The following GTF2H1 variants were observed in gnomAD, a reference collection of about 807,000 sequenced individuals.
The protein encoded by GTF2H1 is BTF2 p62.
Under a neutral mutation model 71.2 loss-of-function variants are expected in GTF2H1, and 16 were observed. The ratio of observed to expected loss-of-function variants is 0.22; its 90% CI spans 0.15 to 0.34. GTF2H1 has a LOEUF of 0.34. GTF2H1 is among the 10% of genes least tolerant of loss of function. The pLI is 1.00. For synonymous variants in GTF2H1, 215 were observed against 219.0 expected (o/e 0.98, Z 0.16); for missense variants, 498 against 648.2 (o/e 0.77, Z 2.52).
At chr11:18,341,885 T>TAATAAA in intron 7 of GTF2H1, 1 of 287,620 alleles carries the variant, frequency 3.5e-6, no homozygotes, top group Non-Finnish European at 6.5e-6. Flanking sequence ...CTTAATGTGA[T>TAATAAA]GAGTTCAGCT....
chr11:18,350,269 C>A (rs1016838892), intron 9 of GTF2H1, among the ~76,000 whole-genome samples: 1 of 152,196 alleles, frequency 6.6e-6, no homozygotes, highest in Non-Finnish European at 1.5e-5. Context: ...GGTGACCTAA[C>A]AAGGCCTTGG....
intron 12 of GTF2H1, 35 bp from the exon 13 acceptor site, chr11:18,358,490 G>T: frequency 8.3e-7 from 1 of 1,198,868 alleles, no homozygotes; most frequent in South Asian, 1.2e-5. Context: ...TGTTAAAATA[G>T]CTCTTAACCT....
At chr11:18,356,296 T>C (rs1471490650) in intron 11 of GTF2H1, among the ~76,000 whole-genome samples, 2 of 150,410 alleles carry the variant, frequency 1.3e-5, no homozygotes, top group African/African-American at 4.9e-5. Context: ...AAGAATTGCT[T>C]GAGCCTGGGA....
chr11:18,329,514 G>A (rs964655937), intron 1 of GTF2H1, among the ~76,000 whole-genome samples: 1 of 152,158 alleles, frequency 6.6e-6, no homozygotes, highest in Non-Finnish European at 1.5e-5. Flanking sequence ...AGTCTCTCCT[G>A]CTGCTCACAG....
chr11:18,325,356 G>T (rs1864736737), intron 1 of GTF2H1, among the ~76,000 whole-genome samples: 1 of 152,220 alleles, frequency 6.6e-6, no homozygotes, highest in Non-Finnish European at 1.5e-5. Context: ...GAAAACTATA[G>T]TGGTTCCCGG....
At chr11:18,328,406 G>A (rs1417317753) in intron 1 of GTF2H1, among the ~76,000 whole-genome samples, 1 of 151,032 alleles carries the variant, frequency 6.6e-6, no homozygotes, top group Non-Finnish European at 1.5e-5. Context: ...CAGCTACTTG[G>A]GGGGCTGAGG....
intron 14 of GTF2H1, among the ~76,000 whole-genome samples, chr11:18,361,686 A>G (rs887963514): frequency 6.6e-6 from 1 of 152,190 alleles, no homozygotes; most frequent in South Asian, 2.1e-4. Context: ...TTTACAATCT[A>G]TGTGTATGTT....
At chr11:18,337,554 G>C (rs1189270314) in intron 3 of GTF2H1, among the ~76,000 whole-genome samples, 1 of 152,004 alleles carries the variant, frequency 6.6e-6, no homozygotes, top group African/African-American at 2.4e-5. Flanking sequence ...ATATCCAGGA[G>C]TTCTACATCC....
In GTF2H1 at chr11:18,358,563, T is replaced by C. The variant is rs970557806; in HGVS notation, c.1390T>C (p.Leu464=). The stretch of plus-strand genomic sequence containing the variant: ...TGATATTCAATCTGAATTGAAACAC[T>C]TATATGTAGCTGTTGGAGAACTTCT... ...PNDIQSELKH[L]YVAVGELLRH... is the part of the protein sequence containing the mutation. Residue 464 remains leucine, a synonymous_variant, in exon 13 of 15, where the codon TTA becomes CTA. Coordinates refer to ENST00000265963, the MANE Select transcript of GTF2H1 (RefSeq NM_005316.4). 2 of 1,611,888 alleles carry C rather than the reference T, an allele frequency of 1.2e-6. No individual in the cohort carries two copies. Among genetic ancestry groups the C allele is most frequent in the African/African-American group, 2.7e-5 (2 of 74,908 alleles).
At chr11:18,357,261 G>A (rs1234331258) in intron 11 of GTF2H1, among the ~76,000 whole-genome samples, 4 of 152,258 alleles carry the variant, frequency 2.6e-5, no homozygotes, top group East Asian at 1.9e-4. Flanking sequence ...GGCACTCATC[G>A]AATAGATAGG....
chr11:18,351,845 G>A (rs372531135), intron 9 of GTF2H1, 36 bp from the exon 10 acceptor site: 6 of 1,088,398 alleles, frequency 5.5e-6, no homozygotes, highest in African/African-American at 1.6e-5. Flanking sequence ...AGAGAAAGTT[G>A]TGACAAAATA....
chr11:18,348,218 G>T (rs756101080), intron 9 of GTF2H1: 2 of 410,348 alleles, frequency 4.9e-6, no homozygotes, highest in Non-Finnish European at 8.6e-6. Flanking sequence ...TGTTCTCTGG[G>T]AATAAAATCT....
Position 18,333,044 on chromosome 11 carries a change from T to C in GTF2H1, c.-15-16T>C. On this transcript the variant is annotated splice_polypyrimidine_tract_variant and intron_variant, in intron 1 of 14. Transcript: ENST00000265963. The stretch of plus-strand genomic sequence containing the variant: ...TGTGGAATAGTTTTTTTCTTCATCT[T>C]TTTTTTCTCTCTTAGCACCTTCTAG... The C allele has an allele frequency of 6.4e-7, 1 of 1,560,452 alleles. No homozygotes were observed. Among genetic ancestry groups the C allele is most frequent in the South Asian group, 1.2e-5 (1 of 82,612 alleles).
At chr11:18,365,418 C>G (rs780414779) in intron 14 of GTF2H1, among the ~76,000 whole-genome samples, 12 of 152,060 alleles carry the variant, frequency 7.9e-5, no homozygotes, top group Non-Finnish European at 1.5e-4. Flanking sequence ...TACTACCATC[C>G]TGGCCTTAGT....
At chr11:18,330,092 C>G (rs1032938663) in intron 1 of GTF2H1, among the ~76,000 whole-genome samples, 3 of 152,176 alleles carry the variant, frequency 2.0e-5, no homozygotes, top group Non-Finnish European at 4.4e-5. Context: ...ATAGTCAAAA[C>G]GCATCGAACA....
At chr11:18,341,201 A>G in intron 5 of GTF2H1, 60 bp from the exon 6 acceptor site, 2 of 1,364,384 alleles carry the variant, frequency 1.5e-6, no homozygotes, top group South Asian at 1.3e-5. Flanking sequence ...CAGTTACCTA[A>G]TTTGAGAGGT....
rs1411431678 is a variant in GTF2H1 at position 18,351,939 on chromosome 11, C to T, written c.1112C>T (p.Thr371Met). 4.4e-6 allele frequency: 7 copies of T among 1,597,138 alleles called. No individual in the cohort carries two copies. Among genetic ancestry groups the T allele is most frequent in the African/African-American group, 2.7e-5 (2 of 74,570 alleles). Reference sequence around the variant, plus strand: ...TTGGGGAAAAATAATTCTGTAAAAACGATTGCACTAAACCTCAAGAAGTCA... The same window carrying T: ...TTGGGGAAAAATAATTCTGTAAAAATGATTGCACTAAACCTCAAGAAGTCA... ...EDLGKNNSVK[T>M]IALNLKKSDR... Residue 371 changes from threonine (T) to methionine (M), a missense_variant, in exon 10 of 15, where the codon ACG becomes ATG. Transcript: ENST00000265963.
chr11:18,323,381 C>T (rs1370001179), intron 1 of GTF2H1, among the ~76,000 whole-genome samples: 1 of 152,006 alleles, frequency 6.6e-6, no homozygotes, highest in East Asian at 1.9e-4. Context: ...ACTGTAACCT[C>T]GAATTCCTGG....
intron 13 of GTF2H1, among the ~76,000 whole-genome samples, chr11:18,359,460 GT>G (rs1769572659): frequency 6.6e-6 from 1 of 152,112 alleles, no homozygotes; most frequent in African/African-American, 2.4e-5. Context: ...AATGATCAAT[GT>G]TGACCAAGTA....
Sources: gnomAD v4.1 joint callset for allele counts (sites outside exome capture counted in the v4.1 genomes callset) on GRCh38, gnomAD v4.1.1 for gene constraint, MANE v1.5 for transcripts, NCBI Gene and HGNC (gene_info 2026-07-23, HGNC 2026-07-21) for gene names.